Variants in DIP2B observed in about 807,000 individuals in gnomAD.
The protein encoded by DIP2B is DIP2 acetate--CoA ligase B (putative), also known as disco-interacting protein 2 homolog B.
In DIP2B, 76 loss-of-function variants were observed where a neutral mutation model predicts 198.0. The observed-to-expected ratio is 0.38, with a 90% CI of 0.32 to 0.46. The LOEUF (loss-of-function observed/expected upper bound fraction) is 0.46. Among genes scored for constraint, DIP2B ranks in the 20% least tolerant of loss-of-function variants. The pLI, the probability that DIP2B is intolerant of heterozygous loss-of-function variation, is 0.99. For synonymous variants in DIP2B, 701 were observed against 739.1 expected, an observed-to-expected ratio of 0.95 and a Z score of 0.84; for missense variants, 1,559 against 1,978.4, an observed-to-expected ratio of 0.79 and a Z score of 4.02.
intron 2 of DIP2B, among the ~76,000 whole-genome samples, chr12:50,632,956 AT>A (rs1279826144): frequency 1.3e-5 from 2 of 151,702 alleles, no homozygotes; most frequent in Non-Finnish European, 2.9e-5. Context: ...AAAAAAAAAA[AT>A]AATTAGAGAC....
At chr12:50,698,604 A>G in intron 18 of DIP2B, 137 bp downstream of exon 18, 1 of 1,063,310 alleles carries the variant, frequency 9.4e-7, no homozygotes, top group Non-Finnish European at 1.3e-6. Context: ...GAGCCTCTCT[A>G]ATAGTTAAGT....
chr12:50,628,154 T>C (rs1018914120), intron 2 of DIP2B, among the ~76,000 whole-genome samples: 1 of 152,058 alleles, frequency 6.6e-6, no homozygotes, highest in African/African-American at 2.4e-5. Flanking sequence ...GTGGATCACA[T>C]GAAGTCAGGA....
intron 1 of DIP2B, among the ~76,000 whole-genome samples, chr12:50,558,813 G>A (rs888807973): frequency 6.6e-6 from 1 of 152,170 alleles, no homozygotes; most frequent in Admixed American, 6.5e-5. Flanking sequence ...TGAAAACCCA[G>A]AAGGCTCAGG....
chr12:50,652,509 C>G (rs1356469471), intron 3 of DIP2B, among the ~76,000 whole-genome samples: 1 of 151,818 alleles, frequency 6.6e-6, no homozygotes, highest in African/African-American at 2.4e-5. Flanking sequence ...GCACTCTAGC[C>G]TGGGCGACAG....
chr12:50,581,990 GCC>G lies in DIP2B; in HGVS notation c.101-43982_101-43981del, dbSNP rs547449382. Among the ~76,000 whole-genome samples the G allele has an allele frequency of 5.3e-3, 811 of 152,138 alleles. 7 individuals are homozygous for G. The highest frequency in any genetic ancestry group is 0.018 in the African/African-American group (741 of 41,496). On this transcript the variant is annotated intron_variant, in intron 1 of 37. Coordinates refer to ENST00000301180, the MANE Select transcript of DIP2B (RefSeq NM_173602.3). ...AGCCTGCACTGAATCCTCGAGTTAGGCCCCCTTGTCTCAGGCAGCCCTGGACC... is the reference window on the plus strand; with the variant it reads ...AGCCTGCACTGAATCCTCGAGTTAGGCCCTTGTCTCAGGCAGCCCTGGACC...
chr12:50,739,312 T>A, intron 35 of DIP2B, 97 bp from the exon 36 acceptor site: 1 of 1,400,730 alleles, frequency 7.1e-7, no homozygotes, highest in East Asian at 2.3e-5. Flanking sequence ...GTTGTTAATA[T>A]AAAAATGAGA....
intron 1 of DIP2B, among the ~76,000 whole-genome samples, chr12:50,542,433 T>C (rs1321747166): frequency 6.6e-6 from 1 of 152,172 alleles, no homozygotes; most frequent in Non-Finnish European, 1.5e-5. Context: ...AGGAAAAGAT[T>C]TGATATTCCT....
At position 50,731,503 on chromosome 12, in the gene DIP2B, C is replaced by T. The variant is rs761988202; in HGVS notation, c.3776C>T (p.Thr1259Ile). ...TCCTATTCAGTGATGGAGCTCTGCA[C>T]CAAAGGTCTTGGGAACCAAGTGGAA... ...FCSYSVMELC[T>I]KGLGNQVEVL... The change falls in exon 31 of 38, where the codon ACC (threonine) becomes ATC (isoleucine). Residue 1259 changes from threonine (T) to isoleucine (I), a missense_variant. Transcript: ENST00000301180. The T allele has an allele frequency of 6.2e-7, 1 of 1,613,898 alleles. No homozygotes were observed. Among genetic ancestry groups the T allele is most frequent in the Admixed American group, 1.7e-5 (1 of 59,980 alleles).
chr12:50,721,586 C>G (rs545988739), intron 26 of DIP2B, among the ~76,000 whole-genome samples, 190 bp downstream of exon 26: 1 of 152,274 alleles, frequency 6.6e-6, no homozygotes, highest in South Asian at 2.1e-4. Flanking sequence ...TACAGTGGCT[C>G]TCCTGGGACC....
chr12:50,630,669 T>TC (rs1565851105), intron 2 of DIP2B, among the ~76,000 whole-genome samples: 1 of 139,388 alleles, frequency 7.2e-6, no homozygotes, highest in East Asian at 2.1e-4. Flanking sequence ...TTTTCTTTTT[T>TC]TTTTTTTTTT....
intron 1 of DIP2B, among the ~76,000 whole-genome samples, chr12:50,516,630 T>C (rs769733597): frequency 2.6e-5 from 4 of 152,014 alleles, no homozygotes; most frequent in African/African-American, 7.2e-5. Context: ...ATTCAGACCA[T>C]AGTAACTTAC....
intron 3 of DIP2B, among the ~76,000 whole-genome samples, chr12:50,642,049 C>T (rs994044127): frequency 6.6e-6 from 1 of 151,970 alleles, no homozygotes; most frequent in African/African-American, 2.4e-5. Flanking sequence ...AGAGCTACAT[C>T]AGCTATTTTG....
At chr12:50,680,571 C>T (rs1592124720) in intron 8 of DIP2B, 101 bp from the exon 9 acceptor site, 1 of 1,040,646 alleles carries the variant, frequency 9.6e-7, no homozygotes, top group African/African-American at 1.6e-5. Context: ...TGGAAGTGGC[C>T]ATTGTCTCAT....
At chr12:50,533,120 C>T (rs866387575) in intron 1 of DIP2B, among the ~76,000 whole-genome samples, 1 of 152,238 alleles carries the variant, frequency 6.6e-6, no homozygotes, top group South Asian at 2.1e-4. Flanking sequence ...TTGTTTACCT[C>T]ATCAGGTTTT....
At chr12:50,671,008 G>T (rs1446754731) in intron 4 of DIP2B, among the ~76,000 whole-genome samples, 178 bp from the exon 5 acceptor site, 1 of 152,190 alleles carries the variant, frequency 6.6e-6, no homozygotes, top group African/African-American at 2.4e-5. Flanking sequence ...TTTTATTTTT[G>T]TAGGCTTTGG....
At chr12:50,643,764 C>T (rs986568250) in intron 3 of DIP2B, among the ~76,000 whole-genome samples, 2 of 151,934 alleles carry the variant, frequency 1.3e-5, no homozygotes, top group African/African-American at 4.8e-5. Flanking sequence ...TCAGGGAGGC[C>T]GAGGCAGGAG....
intron 1 of DIP2B, among the ~76,000 whole-genome samples, chr12:50,611,549 C>A (rs934668240): frequency 6.6e-6 from 1 of 152,122 alleles, no homozygotes; most frequent in Non-Finnish European, 1.5e-5. Flanking sequence ...AAAAGAGGAA[C>A]CAGAAGCAGC....
At chr12:50,537,349 A>G (rs1958280037) in intron 1 of DIP2B, among the ~76,000 whole-genome samples, 1 of 151,912 alleles carries the variant, frequency 6.6e-6, no homozygotes, top group East Asian at 1.9e-4. Context: ...ACCTGTTGTG[A>G]AACATTGAGG....
chr12:50,686,101 C>T, intron 11 of DIP2B, 145 bp downstream of exon 11: 3 of 869,128 alleles, frequency 3.5e-6, no homozygotes, highest in Non-Finnish European at 4.9e-6. Flanking sequence ...ATTATTATCC[C>T]CATTTTACAA....
Sources: gnomAD v4.1 joint callset for allele counts (sites outside exome capture counted in the v4.1 genomes callset) on GRCh38, gnomAD v4.1.1 for gene constraint, MANE v1.5 for transcripts, NCBI Gene and HGNC (gene_info 2026-07-23, HGNC 2026-07-21) for gene names.